COL25A1: variants seen among roughly 807,000 people sequenced by gnomAD.
COL25A1 encodes the protein collagen alpha-1(XXV) chain.
A neutral mutation model predicts 128.4 loss-of-function variants in COL25A1; 103 were observed. The observed-to-expected ratio is 0.80, with a 90% confidence interval of 0.68 to 0.94. The LOEUF (loss-of-function observed/expected upper bound fraction) is 0.94, where lower values mean the gene tolerates loss of function less well. Ranked by LOEUF, COL25A1 falls within the 40% of genes least tolerant of loss-of-function variation. The pLI is 0.00. For missense variants in COL25A1, 745 were observed against 840.0 expected (o/e 0.89, Z 1.40); for synonymous variants, 279 against 277.2 (o/e 1.01, Z -0.06).
chr4:109,043,393 T>G (rs2880976), intron 5 of COL25A1, among the ~76,000 whole-genome samples: 12,056 of 152,154 alleles, frequency 0.079, 671 homozygotes, highest in African/African-American at 0.15. Flanking sequence ...GTCTGCTTCA[T>G]TCATCTGTCA....
At chr4:109,245,415 A>G (rs1780192420) in intron 3 of COL25A1, among the ~76,000 whole-genome samples, 1 of 151,812 alleles carries the variant, frequency 6.6e-6, no homozygotes, top group South Asian at 2.1e-4. Context: ...AGAAGTCGGC[A>G]ATGGTGGAAG....
rs1183594531 is a variant in COL25A1, at chr4:108,812,980, A to T, written c.*947T>A. 5 of 152,208 alleles carry T rather than the reference A, an allele frequency of 3.3e-5. No homozygotes were observed. Among genetic ancestry groups the T allele is most frequent in the African/African-American group, 1.2e-4 (5 of 41,452 alleles). The allele number at this position is 152,208 out of a possible 1,614,324, so 9.4% of individuals were successfully genotyped here. A position where few individuals can be genotyped will look rare whatever the true frequency, so the allele number is the denominator to read the frequency against. ...GCCTCTGTCATTTTTAAAAGCACCTATATTAACACTTGCTGAAATTCAGTT... is the reference window on the plus strand; with the variant it reads ...GCCTCTGTCATTTTTAAAAGCACCTTTATTAACACTTGCTGAAATTCAGTT... On this transcript the variant is annotated 3_prime_UTR_variant, in exon 38 of 38. Transcript: ENST00000399132.
chr4:109,000,823 A>G (rs546139901), intron 6 of COL25A1, among the ~76,000 whole-genome samples: 15 of 147,462 alleles, frequency 1.0e-4, no homozygotes, highest in African/African-American at 3.7e-4. Context: ...GAGAAATTAC[A>G]TTTAGTTAAG....
rs560432083 is a variant in COL25A1 at position 109,065,532 on chromosome 4, A to ACGCGCGCGCG, written c.368-15363_368-15354dup. Among the ~76,000 whole-genome samples, 197 of 126,544 alleles carry ACGCGCGCGCG rather than the reference A, an allele frequency of 1.6e-3. 1 individual carries two copies. Among genetic ancestry groups the ACGCGCGCGCG allele is most frequent in the African/African-American group, 5.4e-3 (180 of 33,210 alleles). The allele number at this position is 126,544 out of a possible 152,430, so 83.0% of individuals were successfully genotyped here. A position where few individuals can be genotyped will look rare whatever the true frequency, so the allele number is the denominator to read the frequency against. ...CTTGCAAATACCTTTTTGGTGCAGC[A>ACGCGCGCGCG]CGCGCGCGCGCGCGTGTGTGTGTGT... On this transcript the variant is annotated intron_variant, in intron 3 of 37. Coordinates refer to ENST00000399132, the MANE Select transcript of COL25A1 (RefSeq NM_198721.4).
intron 3 of COL25A1, among the ~76,000 whole-genome samples, chr4:109,198,149 T>C (rs1346511266): frequency 6.6e-6 from 1 of 152,160 alleles, no homozygotes; most frequent in Non-Finnish European, 1.5e-5. Context: ...AGCGTGTGGC[T>C]CTGGCCAATG....
chr4:108,875,575 A>G (rs1739346852), intron 19 of COL25A1, among the ~76,000 whole-genome samples: 1 of 152,200 alleles, frequency 6.6e-6, no homozygotes, highest in South Asian at 2.1e-4. Flanking sequence ...CATGCTGGAG[A>G]GGATGTGGAG....
At chr4:109,212,047 T>C (rs1236629924) in intron 3 of COL25A1, among the ~76,000 whole-genome samples, 1 of 152,142 alleles carries the variant, frequency 6.6e-6, no homozygotes, top group African/African-American at 2.4e-5. Flanking sequence ...ATATTTTAAA[T>C]AATTCTCTAG....
chr4:109,298,330 A>G (rs183647865), intron 3 of COL25A1, among the ~76,000 whole-genome samples: 1 of 152,288 alleles, frequency 6.6e-6, no homozygotes, highest in Non-Finnish European at 1.5e-5. Flanking sequence ...ACTGAGTTCT[A>G]TCAAAAGAAA....
intron 3 of COL25A1, among the ~76,000 whole-genome samples, chr4:109,095,046 TGTA>T (rs1765272805): frequency 1.3e-5 from 2 of 152,262 alleles, no homozygotes; most frequent in Non-Finnish European, 2.9e-5. Context: ...TAGTTGCTAA[TGTA>T]GTAAAACATC....
At chr4:109,286,700 C>T (rs561908237) in intron 3 of COL25A1, among the ~76,000 whole-genome samples, 35 of 152,178 alleles carry the variant, frequency 2.3e-4, no homozygotes, top group Non-Finnish European at 3.4e-4. Context: ...CATCCTATGA[C>T]GCACAGACCA....
intron 3 of COL25A1, among the ~76,000 whole-genome samples, chr4:109,293,161 C>T (rs944666989): frequency 7.2e-5 from 11 of 151,940 alleles, no homozygotes; most frequent in Admixed American, 2.0e-4. Context: ...GATCAATTTT[C>T]CTGACATATT....
At chr4:109,154,032 T>C (rs963191672) in intron 3 of COL25A1, among the ~76,000 whole-genome samples, 3 of 152,176 alleles carry the variant, frequency 2.0e-5, no homozygotes, top group African/African-American at 7.2e-5. Context: ...AAGTTTAAAG[T>C]AGTAGCAACA....
intron 31 of COL25A1, 156 bp from the exon 32 acceptor site, chr4:108,832,589 G>A (rs772446968): frequency 1.2e-4 from 66 of 555,308 alleles, no homozygotes; most frequent in Non-Finnish European, 1.7e-4. Context: ...TCAGGCCAGC[G>A]GTTTTCAAGA....
At chr4:108,975,627 T>C (rs947941078) in intron 6 of COL25A1, among the ~76,000 whole-genome samples, 1 of 152,220 alleles carries the variant, frequency 6.6e-6, no homozygotes. Context: ...TTAAGCCCCA[T>C]CAGCGATGTA....
At chr4:108,861,719 A>G (rs1737243864) in intron 22 of COL25A1, among the ~76,000 whole-genome samples, 1 of 152,196 alleles carries the variant, frequency 6.6e-6, no homozygotes, top group Non-Finnish European at 1.5e-5. Context: ...GAAACTTTGG[A>G]GAAGAGATTC....
At chr4:108,816,826 A>G (rs1731294910) in intron 37 of COL25A1, among the ~76,000 whole-genome samples, 1 of 152,178 alleles carries the variant, frequency 6.6e-6, no homozygotes, top group African/African-American at 2.4e-5. Context: ...GGTTCTCTAT[A>G]AAGAATAAAC....
chr4:109,138,359 G>A lies in COL25A1; in HGVS notation c.368-88180C>T, dbSNP rs937586916. On this transcript the variant is annotated intron_variant, in intron 3 of 37. Transcript: ENST00000399132. ...GCATAGTATTCCATGGCGTATATGT[G>A]CCACATTTTCTTTATCCAGTCTATC... 5.9e-5 allele frequency among the ~76,000 whole-genome samples: 9 copies of A among 152,128 alleles called. No homozygotes were observed. The East Asian group carries it at 7.7e-4, about 13-fold the overall frequency.
intron 18 of COL25A1, among the ~76,000 whole-genome samples, chr4:108,885,726 T>C (rs1740694112): frequency 6.6e-6 from 1 of 152,156 alleles, no homozygotes; most frequent in Non-Finnish European, 1.5e-5. Context: ...AACAGTAAAT[T>C]GCAATAGAAT....
intron 3 of COL25A1, among the ~76,000 whole-genome samples, chr4:109,159,069 T>C (rs1400328351): frequency 1.3e-5 from 2 of 152,142 alleles, no homozygotes; most frequent in African/African-American, 4.8e-5. Flanking sequence ...AGACTTCCGA[T>C]GTTACTATAT....
Sources: gnomAD v4.1 joint callset for allele counts (sites outside exome capture counted in the v4.1 genomes callset) on GRCh38, gnomAD v4.1.1 for gene constraint, MANE v1.5 for transcripts, NCBI Gene and HGNC (gene_info 2026-07-23, HGNC 2026-07-21) for gene names.